MIPOL1: variants seen among roughly 807,000 people sequenced by gnomAD.
The protein encoded by MIPOL1 is mirror-image polydactyly gene 1 protein.
Under a neutral mutation model 60.9 loss-of-function variants are expected in MIPOL1, and 57 were observed. The observed-to-expected ratio is 0.94, with a 90% CI of 0.76 to 1.17. MIPOL1 has a LOEUF of 1.17. Ranked by LOEUF, MIPOL1 falls within the 50% of genes most tolerant of loss-of-function variation. MIPOL1 has a pLI of 0.00. For missense variants in MIPOL1, 551 were observed against 511.6 expected (o/e 1.08, Z -0.74); for synonymous variants, 179 against 168.8 (o/e 1.06, Z -0.47).
At chr14:37,429,366 A>G (rs1240847660) in intron 11 of MIPOL1, among the ~76,000 whole-genome samples, 1 of 152,196 alleles carries the variant, frequency 6.6e-6, no homozygotes, top group Non-Finnish European at 1.5e-5. Flanking sequence ...TTTATTATAC[A>G]TATTATAATT....
chr14:37,346,797 A>G (rs2090977932), intron 9 of MIPOL1, among the ~76,000 whole-genome samples: 1 of 152,212 alleles, frequency 6.6e-6, no homozygotes, highest in Non-Finnish European at 1.5e-5. Flanking sequence ...GACCATAGAA[A>G]GAATACCTCT....
intron 6 of MIPOL1, among the ~76,000 whole-genome samples, chr14:37,285,002 T>C (rs1218399488): frequency 6.6e-6 from 1 of 152,218 alleles, no homozygotes; most frequent in Non-Finnish European, 1.5e-5. Flanking sequence ...GCCAAATTGC[T>C]CTTCAGATGG....
At chr14:37,413,843 G>A (rs746402693) in intron 10 of MIPOL1, among the ~76,000 whole-genome samples, 10 of 152,136 alleles carry the variant, frequency 6.6e-5, no homozygotes, top group South Asian at 4.1e-4. Context: ...TCCCATAAAC[G>A]TAGTGCCTCA....
intron 9 of MIPOL1, among the ~76,000 whole-genome samples, chr14:37,354,142 T>A (rs540727035): frequency 1.3e-5 from 2 of 151,950 alleles, no homozygotes; most frequent in South Asian, 4.2e-4. Context: ...ACATCTTTAT[T>A]TCTGCCTTCA....
chr14:37,241,441 G>A (rs1165499571), intron 1 of MIPOL1, among the ~76,000 whole-genome samples: 1 of 152,074 alleles, frequency 6.6e-6, no homozygotes, highest in Admixed American at 6.6e-5. Context: ...AATTAGGCTA[G>A]GTTCAGTGAC....
chr14:37,386,015 A>AT (rs1365922515), intron 10 of MIPOL1, among the ~76,000 whole-genome samples: 1 of 151,896 alleles, frequency 6.6e-6, no homozygotes. Flanking sequence ...TACAAATGTA[A>AT]TTTTCCCTTT....
intron 10 of MIPOL1, among the ~76,000 whole-genome samples, chr14:37,380,464 T>C (rs1461820696): frequency 1.3e-5 from 2 of 152,076 alleles, no homozygotes; most frequent in Admixed American, 6.6e-5. Flanking sequence ...ACACCAGGTA[T>C]AGTCAAATCA....
At chr14:37,231,191 G>A (rs112294518) in intron 1 of MIPOL1, among the ~76,000 whole-genome samples, 6,661 of 152,018 alleles carry the variant, frequency 0.044, 336 homozygotes, top group African/African-American at 0.12. Context: ...GGTTTCAAGC[G>A]ATCCTCCCAC....
intron 10 of MIPOL1, among the ~76,000 whole-genome samples, chr14:37,412,378 G>T (rs982736299): frequency 1.3e-5 from 2 of 151,892 alleles, no homozygotes; most frequent in African/African-American, 2.4e-5. Flanking sequence ...TAAAAAAAAG[G>T]CTTTAAAAAT....
intron 9 of MIPOL1, among the ~76,000 whole-genome samples, chr14:37,328,698 G>A (rs2089416357): frequency 6.6e-6 from 1 of 152,104 alleles, no homozygotes; most frequent in Non-Finnish European, 1.5e-5. Context: ...CACACTTTGA[G>A]GAGCACTGCT....
intron 9 of MIPOL1, among the ~76,000 whole-genome samples, chr14:37,353,151 C>G (rs2091531848): frequency 1.4e-5 from 2 of 144,564 alleles, no homozygotes; most frequent in East Asian, 2.0e-4. Context: ...TTTTCTGCAT[C>G]TATTGAGATA....
At chr14:37,328,817 A>G (rs148335659) in intron 9 of MIPOL1, among the ~76,000 whole-genome samples, 111 of 152,320 alleles carry the variant, frequency 7.3e-4, no homozygotes, top group African/African-American at 2.5e-3. Flanking sequence ...TTTCTCCTGC[A>G]TCTGAAGTAA....
intron 1 of MIPOL1, among the ~76,000 whole-genome samples, chr14:37,242,308 T>C (rs2153347285): frequency 6.6e-6 from 1 of 152,246 alleles, no homozygotes; most frequent in Non-Finnish European, 1.5e-5. Flanking sequence ...AATAGTTTCT[T>C]ATGTATACTT....
intron 9 of MIPOL1, among the ~76,000 whole-genome samples, chr14:37,349,339 A>G (rs779080514): frequency 1.3e-5 from 2 of 152,124 alleles, no homozygotes; most frequent in Admixed American, 6.6e-5. Flanking sequence ...AATGTCAAAC[A>G]AATTATGTGG....
At chr14:37,331,938 C>T (rs1246469981) in intron 9 of MIPOL1, among the ~76,000 whole-genome samples, 1 of 152,026 alleles carries the variant, frequency 6.6e-6, no homozygotes, top group Non-Finnish European at 1.5e-5. Flanking sequence ...ATCACGAGGT[C>T]AGGAGTTCAA....
intron 10 of MIPOL1, among the ~76,000 whole-genome samples, chr14:37,411,080 A>C (rs1434518046): frequency 6.6e-6 from 1 of 152,198 alleles, no homozygotes; most frequent in Non-Finnish European, 1.5e-5. Flanking sequence ...ATCTAAACCT[A>C]GGCATATAAA....
At chr14:37,533,055 A>T (rs1047626823) in intron 12 of MIPOL1, among the ~76,000 whole-genome samples, 3 of 152,134 alleles carry the variant, frequency 2.0e-5, no homozygotes, top group Non-Finnish European at 4.4e-5. Context: ...CTATGTTGTG[A>T]TATTATACTA....
chr14:37,268,975 A>AT (rs2083087360), intron 5 of MIPOL1, among the ~76,000 whole-genome samples, 182 bp downstream of exon 5: 1 of 152,014 alleles, frequency 6.6e-6, no homozygotes, highest in African/African-American at 2.4e-5. Flanking sequence ...AAATGAAAGC[A>AT]TTTTTTTGAT....
At chr14:37,253,705 T>C (rs1220014071) in intron 3 of MIPOL1, among the ~76,000 whole-genome samples, 1 of 151,742 alleles carries the variant, frequency 6.6e-6, no homozygotes, top group Admixed American at 6.6e-5. Context: ...TTAGGAAGTC[T>C]ATTTTCTTCC....
Sources: allele counts gnomAD v4.1 joint callset (sites outside exome capture counted in the v4.1 genomes callset), GRCh38; gene constraint gnomAD v4.1.1; transcripts MANE v1.5; gene names NCBI Gene and HGNC (gene_info 2026-07-23, HGNC 2026-07-21).